ENTPD1: variants seen among roughly 807,000 people sequenced by gnomAD.
ENTPD1 encodes the protein ATP diphosphohydrolase.
In ENTPD1, 33 loss-of-function variants were observed where a neutral mutation model predicts 57.0. The observed-to-expected ratio is 0.58, with a 90% CI of 0.44 to 0.77. The LOEUF is 0.77. Ranked by LOEUF, ENTPD1 falls within the 30% of genes least tolerant of loss-of-function variation. ENTPD1 has a pLI of 0.00. For missense variants in ENTPD1, 501 were observed against 603.4 expected (o/e 0.83, Z 1.78); for synonymous variants, 202 against 218.8 (o/e 0.92, Z 0.68).
intron 7 of ENTPD1, among the ~76,000 whole-genome samples, chr10:95,849,846 C>A (rs1386177185): frequency 6.6e-6 from 1 of 152,228 alleles, no homozygotes; most frequent in Non-Finnish European, 1.5e-5. Context: ...AGGGCCCTTG[C>A]CTTAGATTGA....
chr10:95,703,011 T>G, the ENTPD1 span, among the ~76,000 whole-genome samples: 1 of 151,998 alleles, frequency 6.6e-6, no homozygotes, highest in African/African-American at 2.4e-5. Context: ...GGTTTTGAAT[T>G]CCTCACCTCG....
chr10:95,698,071 C>A, the ENTPD1 span, among the ~76,000 whole-genome samples: 3 of 152,118 alleles, frequency 2.0e-5, no homozygotes, highest in African/African-American at 7.2e-5. Context: ...ATGATTGTAA[C>A]CAGAATACGG....
chr10:95,738,676 A>G (rs1237197680), intron 1 of ENTPD1, among the ~76,000 whole-genome samples: 1 of 152,204 alleles, frequency 6.6e-6, no homozygotes, highest in East Asian at 1.9e-4. Flanking sequence ...TGATCTGACT[A>G]TTTTGAGTAG....
At chr10:95,732,410 CT>C (rs1403223978) in intron 1 of ENTPD1, among the ~76,000 whole-genome samples, 2 of 152,150 alleles carry the variant, frequency 1.3e-5, no homozygotes, top group Non-Finnish European at 2.9e-5. Flanking sequence ...ATCTAACCTA[CT>C]TTGTTTCTCA....
At chr10:95,816,150 C>T (rs935989340) in intron 1 of ENTPD1, among the ~76,000 whole-genome samples, 1 of 152,190 alleles carries the variant, frequency 6.6e-6, no homozygotes, top group Non-Finnish European at 1.5e-5. Flanking sequence ...TCAATTAACA[C>T]TTTAATGTTA....
chr10:95,848,674 T>TG (rs2098439790), intron 7 of ENTPD1, among the ~76,000 whole-genome samples: 1 of 152,174 alleles, frequency 6.6e-6, no homozygotes, highest in Non-Finnish European at 1.5e-5. Context: ...GGAAAGATGT[T>TG]TAAGGTTTTC....
intron 1 of ENTPD1, among the ~76,000 whole-genome samples, chr10:95,750,474 C>G (rs1489847076): frequency 6.6e-6 from 1 of 152,156 alleles, no homozygotes; most frequent in Non-Finnish European, 1.5e-5. Context: ...ACCAGCTCCC[C>G]CTTCACCTTC....
Position 95,870,559 on chromosome 10 carries a change from G to C in ENTPD1, c.*4176G>C, listed in dbSNP as rs993693490. Reference sequence around the variant, plus strand: ...CTCCCAAAGTGTTGAGATTACAGGCGTAAGCCACTGCACCTGGCCAAGATG... The same window carrying C: ...CTCCCAAAGTGTTGAGATTACAGGCCTAAGCCACTGCACCTGGCCAAGATG... On this transcript the variant is annotated 3_prime_UTR_variant, in exon 10 of 10. Transcript: ENST00000371205. 8 of 985,212 alleles carry C rather than the reference G, an allele frequency of 8.1e-6. No homozygotes were observed. In the South Asian group the frequency reaches 3.3e-4, roughly 40 times the overall value. 61.0% of individuals were successfully genotyped at this position (985,212 alleles called of 1,614,324 possible).
chr10:95,756,458 G>T (rs1371317924), intron 1 of ENTPD1: 6 of 628,130 alleles, frequency 9.6e-6, no homozygotes, highest in Middle Eastern at 5.2e-4. Flanking sequence ...TGCAGTCAAG[G>T]GTGGCTCTAG....
intron 8 of ENTPD1, 99 bp downstream of exon 8, chr10:95,860,681 C>A: frequency 3.1e-6 from 3 of 969,198 alleles, no homozygotes; most frequent in Non-Finnish European, 4.9e-6. Context: ...CTGGTTTGAC[C>A]AAGATCCAGC....
At chr10:95,748,936 C>G (rs925275472) in intron 1 of ENTPD1, among the ~76,000 whole-genome samples, 1 of 152,180 alleles carries the variant, frequency 6.6e-6, no homozygotes, top group Non-Finnish European at 1.5e-5. Context: ...TCCGTGCCCT[C>G]TTTTCCCCAC....
intron 1 of ENTPD1, among the ~76,000 whole-genome samples, chr10:95,821,804 C>T (rs1284799505): frequency 6.6e-6 from 1 of 152,106 alleles, no homozygotes; most frequent in Non-Finnish European, 1.5e-5. Context: ...GGATTAAGTT[C>T]AAGCTTCTGC....
intron 1 of ENTPD1, among the ~76,000 whole-genome samples, chr10:95,747,707 A>T (rs2098007574): frequency 6.6e-6 from 1 of 152,148 alleles, no homozygotes; most frequent in Non-Finnish European, 1.5e-5. Context: ...TCTACATCTG[A>T]TGTTAAGTTC....
At chr10:95,839,901 C>A in intron 3 of ENTPD1, 93 bp downstream of exon 3, 1 of 1,266,180 alleles carries the variant, frequency 7.9e-7, no homozygotes, top group Non-Finnish European at 1.2e-6. Context: ...AAAAGGAGTC[C>A]CACGCATAGG....
intron 1 of ENTPD1, among the ~76,000 whole-genome samples, chr10:95,789,972 T>A (rs1429449187): frequency 6.6e-6 from 1 of 152,240 alleles, no homozygotes; most frequent in African/African-American, 2.4e-5. Context: ...ATTTTGAGTA[T>A]TTTTCATTGT....
intron 1 of ENTPD1, among the ~76,000 whole-genome samples, chr10:95,822,934 G>A (rs986527127): frequency 2.6e-5 from 4 of 152,182 alleles, no homozygotes; most frequent in Non-Finnish European, 5.9e-5. Flanking sequence ...ATAGATCTGT[G>A]TGAACTGTTA....
intron 1 of ENTPD1, among the ~76,000 whole-genome samples, chr10:95,714,397 T>G (rs2097969206): frequency 6.6e-6 from 1 of 152,250 alleles, no homozygotes; most frequent in South Asian, 2.1e-4. Context: ...CAGTTATTTT[T>G]CTTATTTAAT....
upstream of ENTPD1, chr10:95,756,158 C>A: frequency 6.4e-7 from 1 of 1,558,240 alleles, no homozygotes; most frequent in Non-Finnish European, 8.7e-7. Flanking sequence ...TTGAGGACCT[C>A]TCTCACGGAG....
intron 1 of ENTPD1, among the ~76,000 whole-genome samples, chr10:95,768,493 C>A (rs952897717): frequency 2.4e-5 from 3 of 125,346 alleles, no homozygotes; most frequent in Non-Finnish European, 5.1e-5. Flanking sequence ...TCTTTCTTTT[C>A]TTTTTTCTTT....
Sources: allele counts gnomAD v4.1 joint callset (sites outside exome capture counted in the v4.1 genomes callset), GRCh38; gene constraint gnomAD v4.1.1; transcripts MANE v1.5; gene names NCBI Gene and HGNC (gene_info 2026-07-23, HGNC 2026-07-21).